Variants in ARRB1 observed in about 807,000 individuals in gnomAD.
The protein encoded by ARRB1 is beta-arrestin-1.
ARRB1 carries 21 observed loss-of-function variants against 56.8 expected under a neutral mutation model. The ratio of observed to expected loss-of-function variants is 0.37; its 90% CI spans 0.26 to 0.53. The LOEUF is 0.53. ARRB1 is among the 20% of genes least tolerant of loss of function. The probability of loss-of-function intolerance (pLI) is 0.88; values close to 1 mark genes in which losing one functional copy is unlikely to be tolerated. For synonymous variants in ARRB1, 210 were observed against 218.6 expected (o/e 0.96, Z 0.35); for missense variants, 424 against 553.7 (o/e 0.77, Z 2.35).
intron 1 of ARRB1, among the ~76,000 whole-genome samples, chr11:75,296,793 T>G (rs1946760644): frequency 6.6e-6 from 1 of 152,112 alleles, no homozygotes; most frequent in Admixed American, 6.6e-5. Flanking sequence ...TTCTCCTGCC[T>G]CAGCCTCCCA....
chr11:75,280,950 A>G, intron 7 of ARRB1, 125 bp downstream of exon 7: 1 of 1,184,468 alleles, frequency 8.4e-7, no homozygotes, highest in African/African-American at 1.5e-5. Context: ...GTGCCCTTCC[A>G]AGGCTGGAAT....
intron 1 of ARRB1, among the ~76,000 whole-genome samples, chr11:75,348,870 G>A (rs939335726): frequency 6.6e-6 from 1 of 152,028 alleles, no homozygotes; most frequent in African/African-American, 2.4e-5. Flanking sequence ...GATTACAGGC[G>A]TGAACCACCG....
rs1378360795 is a variant in ARRB1 at position 75,274,186 on chromosome 11, A to T, written c.802T>A (p.Phe268Ile). Reference protein sequence around the residue: ...ADDTVAPSSTFCKVYTLTPFL... With the variant: ...ADDTVAPSSTICKVYTLTPFL... The stretch of plus-strand genomic sequence containing the variant: ...GGGGTCAGTGTGTAGACCTTGCAGA[A>T]CGTCGAGCTGGGTGCCACAGTGTCA... The change falls in exon 11 of 16, where the codon TTC (phenylalanine) becomes ATC (isoleucine). Residue 268 changes from phenylalanine (F) to isoleucine (I), a missense_variant. Transcript: ENST00000420843. The T allele has an allele frequency of 1.9e-6, 3 of 1,614,088 alleles. No individual in the cohort carries two copies. The Admixed American group carries it at 5.0e-5, about 27-fold the overall frequency.
chr11:75,349,219 C>T (rs1481260667), intron 1 of ARRB1, among the ~76,000 whole-genome samples: 2 of 152,324 alleles, frequency 1.3e-5, no homozygotes, highest in Non-Finnish European at 2.9e-5. Flanking sequence ...GGGCCACCAT[C>T]AGGTGGATTT....
intron 7 of ARRB1, among the ~76,000 whole-genome samples, chr11:75,278,967 G>T (rs1946264611): frequency 6.6e-6 from 1 of 152,186 alleles, no homozygotes; most frequent in African/African-American, 2.4e-5. Flanking sequence ...CACTTCATTT[G>T]GTCCTGGTAC....
At chr11:75,318,456 G>C (rs1446438180) in intron 1 of ARRB1, among the ~76,000 whole-genome samples, 3 of 152,288 alleles carry the variant, frequency 2.0e-5, no homozygotes, top group Middle Eastern at 6.8e-3. Flanking sequence ...TTGGGAGGCC[G>C]AGGTGGGCGG....
chr11:75,292,208 C>T (rs1284149545), intron 1 of ARRB1, among the ~76,000 whole-genome samples: 1 of 152,100 alleles, frequency 6.6e-6, no homozygotes, highest in Non-Finnish European at 1.5e-5. Flanking sequence ...GGCGTGATCT[C>T]AGCTCACTGC....
intron 3 of ARRB1, among the ~76,000 whole-genome samples, chr11:75,285,214 G>A (rs933324655): frequency 1.3e-5 from 2 of 152,232 alleles, no homozygotes; most frequent in South Asian, 2.1e-4. Context: ...GACTGAATGG[G>A]TACATGTGTG....
intron 2 of ARRB1, among the ~76,000 whole-genome samples, chr11:75,288,312 T>C (rs1946528949): frequency 6.6e-6 from 1 of 152,254 alleles, no homozygotes; most frequent in African/African-American, 2.4e-5. Flanking sequence ...GTGTGAGGAC[T>C]TGCCTTCTGA....
intron 1 of ARRB1, among the ~76,000 whole-genome samples, chr11:75,309,473 C>T (rs767516825): frequency 2.0e-5 from 3 of 152,232 alleles, no homozygotes; most frequent in Non-Finnish European, 4.4e-5. Context: ...GCAACGCAGC[C>T]GTCTTGAGTG....
At position 75,284,282 on chromosome 11, in the gene ARRB1, G is replaced by A. The variant is rs1946423334; in HGVS notation, c.113-3C>T. On this transcript the variant is annotated splice_polypyrimidine_tract_variant and splice_region_variant and intron_variant, in intron 3 of 15. Transcript: ENST00000420843. ...AGGATCCACCAGGACCACACCATCTGGGGAAAGGACAGAGAGTAAGCGGCC... is the reference window on the plus strand; with the variant it reads ...AGGATCCACCAGGACCACACCATCTAGGGAAAGGACAGAGAGTAAGCGGCC... The A allele has an allele frequency of 6.2e-7, 1 of 1,607,250 alleles. No individual in the cohort carries two copies. The highest frequency in any genetic ancestry group is 1.7e-5 in the Admixed American group (1 of 59,624).
intron 1 of ARRB1, among the ~76,000 whole-genome samples, chr11:75,343,391 G>A (rs905480358): frequency 1.3e-5 from 2 of 152,096 alleles, no homozygotes; most frequent in Non-Finnish European, 2.9e-5. Context: ...GGCCTTGGGA[G>A]GCTCAAAAAA....
chr11:75,300,363 A>T (rs1329867867), intron 1 of ARRB1, among the ~76,000 whole-genome samples: 1 of 152,220 alleles, frequency 6.6e-6, no homozygotes, highest in African/African-American at 2.4e-5. Context: ...ATCCCATTTC[A>T]CAGATGAGAA....
At chr11:75,334,367 G>A (rs1428200519) in intron 1 of ARRB1, among the ~76,000 whole-genome samples, 9 of 149,018 alleles carry the variant, frequency 6.0e-5, no homozygotes, top group South Asian at 2.1e-4. Context: ...CAGGCAAGCC[G>A]TGCTCCACAG....
At chr11:75,273,676 A>T (rs964163738) in intron 11 of ARRB1, among the ~76,000 whole-genome samples, 3 of 107,894 alleles carry the variant, frequency 2.8e-5, no homozygotes, top group Non-Finnish European at 4.1e-5. Context: ...ATGCCCTGGG[A>T]CCCCTGACTT....
chr11:75,344,780 GGGAAGAAA>G (rs1275487804), intron 1 of ARRB1, among the ~76,000 whole-genome samples: 1 of 152,022 alleles, frequency 6.6e-6, no homozygotes, highest in Non-Finnish European at 1.5e-5. Context: ...AGTGTGATGG[GGGAAGAAA>G]GGAAGAAAGA....
In ARRB1 at chr11:75,287,321, G is replaced by C. The variant is rs747037903; in HGVS notation, c.106C>G (p.Pro36Ala). 2 of 1,555,470 alleles carry C rather than the reference G, an allele frequency of 1.3e-6. No individual in the cohort carries two copies. Among genetic ancestry groups the C allele is most frequent in the South Asian group, 2.4e-5 (2 of 84,270 alleles). ...DFVDHIDLVD[P>A]VDGVVLVDPE... ...TCGCCCTCCAGGGACTCACCCACAG[G>C]GTCCACGAGGTCGATGTGGTCCACA... Residue 36 changes from proline to alanine, a missense_variant, in exon 3 of 16, where the codon CCT (proline) becomes GCT (alanine). Pro to Ala is a conservative substitution (Grantham distance 27). Coordinates refer to ENST00000420843, the MANE Select transcript of ARRB1 (RefSeq NM_004041.5).
chr11:75,324,996 G>A (rs2140499730), intron 1 of ARRB1, among the ~76,000 whole-genome samples: 1 of 152,104 alleles, frequency 6.6e-6, no homozygotes, highest in East Asian at 1.9e-4. Flanking sequence ...CTCAGGCAGG[G>A]CTGGGCGGGA....
At chr11:75,281,267 C>T (rs964918923) in intron 6 of ARRB1, 125 bp from the exon 7 acceptor site, 2 of 910,396 alleles carry the variant, frequency 2.2e-6, no homozygotes, top group African/African-American at 3.3e-5. Context: ...ACAGCCCAGC[C>T]TTCCTTGGTC....
Sources: allele counts gnomAD v4.1 joint callset (sites outside exome capture counted in the v4.1 genomes callset), GRCh38; gene constraint gnomAD v4.1.1; transcripts MANE v1.5; gene names NCBI Gene and HGNC (gene_info 2026-07-23, HGNC 2026-07-21).